RIMS2: variants seen among roughly 807,000 people sequenced by gnomAD.
RIMS2 encodes regulating synaptic membrane exocytosis 2, also known as regulating synaptic membrane exocytosis protein 2.
Under a neutral mutation model 174.4 loss-of-function variants are expected in RIMS2, and 59 were observed. That is an observed-to-expected ratio of 0.34 (90% CI 0.27 to 0.42). The LOEUF is 0.42. RIMS2 is among the 10% of genes least tolerant of loss of function. The pLI is 1.00. For missense variants in RIMS2, 1,620 were observed against 1,666.3 expected (o/e 0.97, Z 0.48); for synonymous variants, 606 against 572.5 (o/e 1.06, Z -0.84).
At chr8:103,610,438 G>T (rs2095327992) in intron 1 of RIMS2, among the ~76,000 whole-genome samples, 1 of 152,140 alleles carries the variant, frequency 6.6e-6, no homozygotes, top group Admixed American at 6.5e-5. Flanking sequence ...TCCAGCTTTT[G>T]CTCATTCAGT....
intron 19 of RIMS2, among the ~76,000 whole-genome samples, chr8:104,114,067 C>T (rs956891901): frequency 6.6e-6 from 1 of 151,876 alleles, no homozygotes; most frequent in African/African-American, 2.4e-5. Flanking sequence ...CTGAATTTGT[C>T]TCTGACAAAT....
rs2137303584 is a variant in RIMS2 at position 103,697,337 on chromosome 8, A to T, written c.387+41A>T. 2.1e-6 allele frequency: 3 copies of T among 1,416,024 alleles called. No individual in the cohort carries two copies. In the East Asian group the frequency reaches 6.8e-5, roughly 32 times the overall value. 87.7% of individuals were successfully genotyped at this position (1,416,024 alleles called of 1,614,324 possible). On this transcript the variant is annotated intron_variant, in intron 2 of 23. Coordinates refer to ENST00000504942, the Ensembl canonical transcript of RIMS2. Reference sequence around the variant, plus strand: ...TTACAGTTCTCTTCTAGTTAAGCTTATTGTGTTTATCTATTCACGTTAGAG... The same window carrying T: ...TTACAGTTCTCTTCTAGTTAAGCTTTTTGTGTTTATCTATTCACGTTAGAG...
chr8:103,706,871 A>G (rs1420119101), intron 2 of RIMS2, among the ~76,000 whole-genome samples: 1 of 151,988 alleles, frequency 6.6e-6, no homozygotes, highest in Admixed American at 6.6e-5. Flanking sequence ...CTTTAAATAC[A>G]TTTTTTACCC....
chr8:103,576,377 ATAGG>A (rs1223012297), intron 1 of RIMS2, among the ~76,000 whole-genome samples: 11 of 152,222 alleles, frequency 7.2e-5, no homozygotes, highest in Non-Finnish European at 1.6e-4. Flanking sequence ...AATAAGCCAG[ATAGG>A]TAAGACTGGA....
intron 1 of RIMS2, among the ~76,000 whole-genome samples, chr8:103,612,846 G>A (rs543021085): frequency 6.6e-6 from 1 of 152,308 alleles, no homozygotes; most frequent in South Asian, 2.1e-4. Context: ...TGGGATTACA[G>A]GCGTGAGCCA....
At chr8:103,738,513 A>G (rs2097716594) in intron 2 of RIMS2, among the ~76,000 whole-genome samples, 2 of 152,326 alleles carry the variant, frequency 1.3e-5, no homozygotes, top group South Asian at 4.1e-4. Flanking sequence ...AATAGCAACA[A>G]AAGCCAAAAT....
rs2095846386 is a variant in RIMS2 at position 103,628,772 on chromosome 8, A to T, written c.177-68314A>T. 3.0e-5 allele frequency among the ~76,000 whole-genome samples: 4 copies of T among 135,532 alleles called. No individual in the cohort carries two copies. In the South Asian group the frequency reaches 9.6e-4, roughly 33 times the overall value. 88.9% of individuals were successfully genotyped at this position (135,532 alleles called of 152,430 possible). On this transcript the variant is annotated intron_variant, in intron 1 of 23. Transcript: ENST00000504942. Reference sequence around the variant, plus strand: ...CCCATATTAAAAAAAAAAAAAAAAAAGGTCCCAAGGAAAGCCTGCTGTCTC... The same window carrying T: ...CCCATATTAAAAAAAAAAAAAAAAATGGTCCCAAGGAAAGCCTGCTGTCTC...
intron 2 of RIMS2, among the ~76,000 whole-genome samples, chr8:103,720,809 TACTG>T (rs1226533820): frequency 2.6e-5 from 4 of 152,210 alleles, no homozygotes; most frequent in African/African-American, 9.7e-5. Flanking sequence ...AGAGAGAGGC[TACTG>T]ACTATTTGTT....
intron 1 of RIMS2, among the ~76,000 whole-genome samples, chr8:103,604,482 GCT>G (rs1222740650): frequency 6.6e-6 from 1 of 152,024 alleles, no homozygotes; most frequent in African/African-American, 2.4e-5. Context: ...GGCAACGCGG[GCT>G]CTTTTTTGGT....
chr8:103,799,223 C>T (rs1412419162), intron 3 of RIMS2, among the ~76,000 whole-genome samples: 2 of 152,166 alleles, frequency 1.3e-5, no homozygotes, highest in African/African-American at 2.4e-5. Context: ...AATGAGACTT[C>T]TACCAGACTT....
chr8:104,148,872 A>T, intron 19 of RIMS2, 24 bp downstream of exon 25: 1 of 1,590,780 alleles, frequency 6.3e-7, no homozygotes, highest in East Asian at 2.2e-5. Flanking sequence ...TGTTACTTTT[A>T]ACTTGATATT....
At chr8:104,217,977 C>T (rs75718431) in intron 19 of RIMS2, among the ~76,000 whole-genome samples, 4 of 152,274 alleles carry the variant, frequency 2.6e-5, no homozygotes, top group South Asian at 2.1e-4. Flanking sequence ...AATATATCCA[C>T]AAATATTCCT....
chr8:103,626,777 G>A (rs902554272), intron 1 of RIMS2, among the ~76,000 whole-genome samples: 5 of 152,024 alleles, frequency 3.3e-5, no homozygotes, highest in Admixed American at 6.6e-5. Flanking sequence ...CCATGATGGC[G>A]ACCTTGAGCC....
At chr8:103,948,650 T>G (rs1055394088) in intron 14 of RIMS2, among the ~76,000 whole-genome samples, 2 of 152,152 alleles carry the variant, frequency 1.3e-5, no homozygotes, top group Non-Finnish European at 2.9e-5. Flanking sequence ...ACAGATTAAG[T>G]TAGCAGTTGG....
chr8:103,554,914 G>T (rs996928076), intron 1 of RIMS2, among the ~76,000 whole-genome samples: 7 of 152,162 alleles, frequency 4.6e-5, no homozygotes, highest in African/African-American at 1.7e-4. Context: ...ATAATCCCAA[G>T]TGAACTAATG....
chr8:103,568,799 A>C, intron 1 of RIMS2: 5 of 1,144,982 alleles, frequency 4.4e-6, no homozygotes, highest in Non-Finnish European at 6.5e-6. Flanking sequence ...CTGTTTGTGC[A>C]ATCAGTGCTA....
intron 19 of RIMS2, among the ~76,000 whole-genome samples, chr8:104,172,072 A>G (rs2098835727): frequency 6.6e-6 from 1 of 152,088 alleles, no homozygotes; most frequent in South Asian, 2.1e-4. Context: ...TATATACTTT[A>G]TGTACTTAAT....
chr8:103,735,799 C>T (rs567175410), intron 2 of RIMS2, among the ~76,000 whole-genome samples: 7 of 152,180 alleles, frequency 4.6e-5, no homozygotes, highest in African/African-American at 1.4e-4. Flanking sequence ...CTGGGAGAGA[C>T]GTTTTTTTGT....
intron 17 of RIMS2, among the ~76,000 whole-genome samples, chr8:104,005,009 A>G (rs1383187117): frequency 6.6e-6 from 1 of 152,180 alleles, no homozygotes; most frequent in Admixed American, 6.5e-5. Flanking sequence ...GTGGATAAGG[A>G]AAGAAGAAAG....
Sources: gnomAD v4.1 joint callset for allele counts (sites outside exome capture counted in the v4.1 genomes callset) on GRCh38, gnomAD v4.1.1 for gene constraint, MANE v1.5 for transcripts, NCBI Gene and HGNC (gene_info 2026-07-23, HGNC 2026-07-21) for gene names.